ADAM7: variants seen among roughly 807,000 people sequenced by gnomAD.
ADAM7 encodes disintegrin and metalloproteinase domain-containing protein 7.
A neutral mutation model predicts 102.9 loss-of-function variants in ADAM7; 97 were observed. The observed-to-expected ratio is 0.94, with a 90% CI of 0.80 to 1.12. The LOEUF is 1.12. ADAM7 is among the 50% of genes most tolerant of loss of function. The pLI is 0.00. For missense variants in ADAM7, 991 were observed against 908.7 expected, an observed-to-expected ratio of 1.09 and a Z score of -1.16; for synonymous variants, 334 against 304.4, an observed-to-expected ratio of 1.10 and a Z score of -1.01.
chr8:24,450,241 A>T (rs1818729694), intron 3 of ADAM7, among the ~76,000 whole-genome samples: 1 of 152,176 alleles, frequency 6.6e-6, no homozygotes. Flanking sequence ...TACCTTGGGC[A>T]GTATGGCCAT....
At chr8:24,487,922 C>T (rs1820200352) in intron 11 of ADAM7, among the ~76,000 whole-genome samples, 1 of 152,118 alleles carries the variant, frequency 6.6e-6, no homozygotes, top group Non-Finnish European at 1.5e-5. Flanking sequence ...GACAAATAGA[C>T]TCTACATGCC....
chr8:24,503,168 T>G (rs746514171), intron 20 of ADAM7, among the ~76,000 whole-genome samples: 4 of 152,186 alleles, frequency 2.6e-5, no homozygotes, highest in African/African-American at 4.8e-5. Context: ...AGATAAATTA[T>G]TTGAAAAAAT....
At position 24,495,771 on chromosome 8, in the gene ADAM7, G is replaced by A. The variant is rs1173687665; in HGVS notation, c.1842+2542G>A. On this transcript the variant is annotated intron_variant, in intron 16 of 21. Transcript: ENST00000175238. ...GTGGAAGAAATTTCTAAGCAGCAAA[G>A]CATTCAATAGGTGACTTGGGTGCTG... 3.9e-5 allele frequency among the ~76,000 whole-genome samples: 6 copies of A among 152,290 alleles called. No individual in the cohort carries two copies. The South Asian group carries it at 6.2e-4, about 16-fold the overall frequency.
intron 10 of ADAM7, among the ~76,000 whole-genome samples, chr8:24,485,839 G>C (rs1338533340): frequency 2.0e-5 from 3 of 151,954 alleles, no homozygotes; most frequent in Non-Finnish European, 4.4e-5. Context: ...CCTTTCCAAA[G>C]TCTCTAAGCT....
At chr8:24,492,298 T>C (rs1409702832) in intron 14 of ADAM7, 197 bp from the exon 15 acceptor site, 1 of 678,416 alleles carries the variant, frequency 1.5e-6, no homozygotes, top group Non-Finnish European at 2.4e-6. Context: ...ATATGAGCTA[T>C]GTATATTTGT....
chr8:24,494,619 C>T (rs1820491008), intron 16 of ADAM7, among the ~76,000 whole-genome samples: 1 of 152,174 alleles, frequency 6.6e-6, no homozygotes, highest in South Asian at 2.1e-4. Context: ...GAAGTACATC[C>T]ATCACAGTGG....
chr8:24,453,159 G>A (rs965988252), intron 3 of ADAM7, among the ~76,000 whole-genome samples: 5 of 151,992 alleles, frequency 3.3e-5, no homozygotes, highest in Non-Finnish European at 7.4e-5. Context: ...GAGTATCTTT[G>A]TGGCATTCTC....
rs755604140 is a variant in ADAM7 at position 24,501,566 on chromosome 8, A to G, written c.2198A>G (p.His733Arg). Residue 733 changes from histidine (H) to arginine (R), a missense_variant, in exon 20 of 22, where the codon CAT becomes CGT. Physicochemically the swap from His to Arg is conservative, Grantham distance 29. Coordinates refer to ENST00000175238, the MANE Select transcript of ADAM7 (RefSeq NM_003817.4). ...IRTEPILPEI[H>R]FLNKPASKDS... is the part of the protein sequence containing the mutation. ...ACTGAGCCAATCCTGCCAGAAATTCATTTCCTAAATGTAAGAAACTTCCAT... is the reference window on the plus strand; with the variant it reads ...ACTGAGCCAATCCTGCCAGAAATTCGTTTCCTAAATGTAAGAAACTTCCAT... The G allele has an allele frequency of 6.3e-7, 1 of 1,591,046 alleles. No individual in the cohort carries two copies. Among genetic ancestry groups the G allele is most frequent in the South Asian group, 1.2e-5 (1 of 86,442 alleles).
At chr8:24,471,854 C>T (rs1819615722) in intron 7 of ADAM7, among the ~76,000 whole-genome samples, 1 of 151,724 alleles carries the variant, frequency 6.6e-6, no homozygotes, top group African/African-American at 2.4e-5. Context: ...ATTACATCTG[C>T]CTGTTAGAAG....
chr8:24,482,045 A>T (rs1239470602), intron 8 of ADAM7, 97 bp from the exon 9 acceptor site: 2 of 916,566 alleles, frequency 2.2e-6, no homozygotes, highest in East Asian at 5.5e-5. Flanking sequence ...CACAAGTTCA[A>T]ATTATTGTTT....
intron 3 of ADAM7, among the ~76,000 whole-genome samples, chr8:24,459,827 G>A (rs533698056): frequency 2.4e-4 from 36 of 151,932 alleles, no homozygotes; most frequent in South Asian, 8.3e-4. Flanking sequence ...GTCTTTTATC[G>A]TTTGTATTAT....
Position 24,493,079 on chromosome 8 carries a change from G to T in ADAM7, c.1692G>T (p.Gly564=), listed in dbSNP as rs867394539. ...VRCGKIYCTG[G]ELSSLLGEDK... is the part of the protein sequence containing the mutation. ...GTGGAAAGATCTACTGCACTGGAGG[G>T]GAGCTTTCCTCTCTCCTTGGAGAAG... The change falls in exon 16 of 22, where the codon GGG becomes GGT. Residue 564 remains glycine, a synonymous_variant. Transcript: ENST00000175238. 1.9e-6 allele frequency: 3 copies of T among 1,608,622 alleles called. No individual in the cohort carries two copies. The highest frequency in any genetic ancestry group is 2.5e-6 in the Non-Finnish European group (3 of 1,177,796).
At chr8:24,473,812 A>T (rs1819684713) in intron 7 of ADAM7, among the ~76,000 whole-genome samples, 2 of 152,174 alleles carry the variant, frequency 1.3e-5, no homozygotes, top group African/African-American at 2.4e-5. Context: ...TCCTCCGGTA[A>T]TGTGAATATT....
chr8:24,467,050 T>C, intron 6 of ADAM7, 62 bp downstream of exon 6: 1 of 1,462,222 alleles, frequency 6.8e-7, no homozygotes, highest in Non-Finnish European at 9.5e-7. Flanking sequence ...TGATGATGTC[T>C]AGGGATAAAG....
intron 8 of ADAM7, 103 bp from the exon 9 acceptor site, chr8:24,482,039 A>G (rs943752273): frequency 9.5e-6 from 8 of 842,516 alleles, no homozygotes; most frequent in East Asian, 2.8e-5. Flanking sequence ...GTACCTCACA[A>G]GTTCAAATTA....
rs531719452 is a variant in ADAM7, at chr8:24,468,894, G to T, written c.633+74G>T. Reference sequence around the variant, plus strand: ...TGTAGTTATCATTCTAGCATAGAGAGAAAGGTATTCTAATCAGAGTTCTAT... The same window carrying T: ...TGTAGTTATCATTCTAGCATAGAGATAAAGGTATTCTAATCAGAGTTCTAT... On this transcript the variant is annotated intron_variant, in intron 7 of 21. Transcript: ENST00000175238. The T allele has an allele frequency of 2.8e-4, 385 of 1,371,418 alleles. 1 individual carries two copies. The highest frequency in any genetic ancestry group is 8.1e-4 in the South Asian group (66 of 81,418). The allele number at this position is 1,371,418 out of a possible 1,614,324, so 85.0% of individuals were successfully genotyped here.
intron 20 of ADAM7, among the ~76,000 whole-genome samples, chr8:24,506,753 G>GCACACACACACACACACACA (rs71549838): frequency 2.8e-5 from 4 of 144,192 alleles, no homozygotes; most frequent in African/African-American, 1.0e-4. Context: ...CTGAGTCAAA[G>GCACACACACACACACACACA]CACACACACA....
intron 8 of ADAM7, among the ~76,000 whole-genome samples, chr8:24,479,092 G>A (rs532185736): frequency 6.6e-6 from 1 of 152,098 alleles, no homozygotes; most frequent in South Asian, 2.1e-4. Flanking sequence ...CAGCACCTCA[G>A]CACGTTTATT....
Position 24,466,959 on chromosome 8 carries a change from A to T in ADAM7, c.550A>T (p.Asn184Tyr), listed in dbSNP as rs142174925. The T allele has an allele frequency of 5.0e-6, 8 of 1,613,908 alleles. No homozygotes were observed. Among genetic ancestry groups the T allele is most frequent in the Non-Finnish European group, 6.8e-6 (8 of 1,179,952 alleles). Residue 184 changes from asparagine to tyrosine, a missense_variant, in exon 6 of 22, where the codon AAT (asparagine) becomes TAT (tyrosine). Physicochemically the swap from Asn to Tyr is moderately radical, Grantham distance 143 (BLOSUM62 -2). Coordinates refer to ENST00000175238, the MANE Select transcript of ADAM7 (RefSeq NM_003817.4). ...TACCAGAAAAACTGTTCCAGGGGAT[A>T]ATGAATCTGAAGAAGACTCCAAAAT... ...NFTRKTVPGD[N>Y]ESEEDSKIKG...
Sources: allele counts gnomAD v4.1 joint callset (sites outside exome capture counted in the v4.1 genomes callset), GRCh38; gene constraint gnomAD v4.1.1; transcripts MANE v1.5; gene names NCBI Gene and HGNC (gene_info 2026-07-23, HGNC 2026-07-21).